The following CPEB1 variants were observed in gnomAD, a reference collection of about 807,000 sequenced individuals.
The protein encoded by CPEB1 is cytoplasmic polyadenylation element binding protein 1.
A neutral mutation model predicts 65.8 loss-of-function variants in CPEB1; 7 were observed. The ratio of observed to expected loss-of-function variants is 0.11; its 90% CI spans 0.06 to 0.20. The LOEUF (loss-of-function observed/expected upper bound fraction) is 0.20. Among genes scored for constraint, CPEB1 ranks in the 10% least tolerant of loss-of-function variants. The pLI is 1.00. For synonymous variants in CPEB1, 262 were observed against 260.0 expected, an observed-to-expected ratio of 1.01 and a Z score of -0.08; for missense variants, 551 against 712.2, an observed-to-expected ratio of 0.77 and a Z score of 2.58.
intron 1 of CPEB1, among the ~76,000 whole-genome samples, chr15:82,645,420 T>C (rs1290178254): frequency 6.6e-6 from 1 of 152,072 alleles, no homozygotes; most frequent in Non-Finnish European, 1.5e-5. Flanking sequence ...CCCAAAGTGC[T>C]GGGATTAAAG....
At chr15:82,557,509 G>A (rs917569895) in intron 5 of CPEB1, 7 of 445,270 alleles carry the variant, frequency 1.6e-5, no homozygotes, top group Non-Finnish European at 2.8e-5. Context: ...TACTCTTGGA[G>A]TAGCTAGTAA....
intron 4 of CPEB1, among the ~76,000 whole-genome samples, chr15:82,570,864 A>G (rs2039922186): frequency 6.6e-6 from 1 of 152,180 alleles, no homozygotes; most frequent in Non-Finnish European, 1.5e-5. Context: ...ATCTGAGGTT[A>G]AAATCCTTCC....
intron 3 of CPEB1, among the ~76,000 whole-genome samples, chr15:82,599,985 G>A (rs973043783): frequency 3.3e-5 from 5 of 152,036 alleles, no homozygotes; most frequent in Non-Finnish European, 5.9e-5. Context: ...TAATTACAGA[G>A]TCCCAAAAGA....
rs3080692 is a variant in CPEB1, at chr15:82,584,903, C to CTTTTTTT, written c.272-13378_272-13372dup. ...GACATAATTTTTTTTTCCTAATTTG[C>CTTTTTTT]TTTTTTTTTTTTTTTTTTTACAGTG... On this transcript the variant is annotated intron_variant, in intron 3 of 12. Transcript: ENST00000684509. Among the ~76,000 whole-genome samples the CTTTTTTT allele has an allele frequency of 2.4e-3, 199 of 81,728 alleles. 34 individuals are homozygous for CTTTTTTT. Among genetic ancestry groups the CTTTTTTT allele is most frequent in the African/African-American group, 0.01 (177 of 16,862 alleles). The allele number at this position is 81,728 out of a possible 152,430, so 53.6% of individuals were successfully genotyped here. A position where few individuals can be genotyped will look rare whatever the true frequency, so the allele number is the denominator to read the frequency against.
chr15:82,631,049 G>A (rs2046202788), intron 1 of CPEB1, among the ~76,000 whole-genome samples: 1 of 152,188 alleles, frequency 6.6e-6, no homozygotes, highest in Admixed American at 6.5e-5. Context: ...CTACATGACA[G>A]ATAAGTGGCA....
chr15:82,637,939 T>C (rs1013440299), intron 1 of CPEB1: 1 of 448,816 alleles, frequency 2.2e-6, no homozygotes, highest in African/African-American at 2.0e-5. Context: ...AAAAAACCTA[T>C]TACATATTAA....
intron 3 of CPEB1, among the ~76,000 whole-genome samples, chr15:82,595,276 A>T (rs1042835208): frequency 3.9e-5 from 6 of 152,230 alleles, no homozygotes; most frequent in African/African-American, 1.4e-4. Flanking sequence ...ACACTGTTAC[A>T]AATGCCCACC....
At chr15:82,639,497 T>C (rs989233482) in intron 1 of CPEB1, among the ~76,000 whole-genome samples, 1 of 152,130 alleles carries the variant, frequency 6.6e-6, no homozygotes, top group Admixed American at 6.5e-5. Flanking sequence ...CTTTTTTTTT[T>C]TCCCCACTTA....
intron 1 of CPEB1, among the ~76,000 whole-genome samples, chr15:82,644,289 G>A (rs1000879008): frequency 6.6e-6 from 1 of 152,258 alleles, no homozygotes; most frequent in Admixed American, 6.5e-5. Context: ...CTTTTTTCTA[G>A]AATGTACGCC....
intron 9 of CPEB1, among the ~76,000 whole-genome samples, chr15:82,552,258 G>A (rs117811788): frequency 0.012 from 1,812 of 151,480 alleles, 13 homozygotes; most frequent in Non-Finnish European, 0.019. Flanking sequence ...GCAGGCATGC[G>A]CATGTGTGCA....
At chr15:82,631,519 C>T (rs929760071) in intron 1 of CPEB1, among the ~76,000 whole-genome samples, 2 of 152,092 alleles carry the variant, frequency 1.3e-5, no homozygotes, top group Non-Finnish European at 2.9e-5. Context: ...TCTCATAAGG[C>T]TTTTTGTGAA....
Position 82,544,618 on chromosome 15 carries a change from T to C in CPEB1, c.1741A>G (p.Asn581Asp). 1.9e-6 allele frequency: 3 copies of C among 1,613,096 alleles called. No homozygotes were observed. Among genetic ancestry groups the C allele is most frequent in the Non-Finnish European group, 2.5e-6 (3 of 1,179,822 alleles). Reference sequence around the variant, plus strand: ...TAGCTGGAATCTCGGTTCTTCTGGTTCCGCATCAGGGGGCTGTGGTGGCGC... The same window carrying C: ...TAGCTGGAATCTCGGTTCTTCTGGTCCCGCATCAGGGGGCTGTGGTGGCGC... ...GLRHHSPLMR[N>D]QKNRDSS Residue 581 changes from asparagine to aspartate, a missense_variant, in exon 13 of 13, where the codon AAC (asparagine) becomes GAC (aspartate). Coordinates refer to ENST00000684509, the MANE Select transcript of CPEB1 (RefSeq NM_001365242.1).
intron 4 of CPEB1, among the ~76,000 whole-genome samples, chr15:82,569,156 C>T (rs1596038284): frequency 6.6e-6 from 1 of 152,192 alleles, no homozygotes; most frequent in Non-Finnish European, 1.5e-5. Flanking sequence ...TGCATGTTCC[C>T]GCATTGCTGG....
At chr15:82,630,120 G>A in intron 1 of CPEB1, 1 of 985,406 alleles carries the variant, frequency 1.0e-6, no homozygotes, top group Non-Finnish European at 1.2e-6. Context: ...ATAACCTGCA[G>A]AGAGGAGGTC....
chr15:82,583,380 C>T (rs1596063759), intron 3 of CPEB1: 1 of 152,198 alleles, frequency 6.6e-6, no homozygotes, highest in African/African-American at 2.4e-5. Context: ...CCTGACACTA[C>T]ACTGTTCAAA....
intron 1 of CPEB1, among the ~76,000 whole-genome samples, chr15:82,635,447 C>T (rs1002665158): frequency 2.0e-5 from 3 of 152,166 alleles, no homozygotes; most frequent in Non-Finnish European, 4.4e-5. Flanking sequence ...CTGAGAGATG[C>T]TTCTCTGTGT....
intron 3 of CPEB1, chr15:82,571,887 A>G (rs2040087549): frequency 2.9e-6 from 3 of 1,043,276 alleles, no homozygotes. Context: ...AGGGGACGAC[A>G]GGGAGGAGAC....
rs2034812972 is a variant in CPEB1 at position 82,544,455 on chromosome 15, G to A, written c.*137C>T. 1 of 625,642 alleles carries A rather than the reference G, an allele frequency of 1.6e-6. No homozygotes were observed. 38.8% of individuals were successfully genotyped at this position (625,642 alleles called of 1,614,324 possible). A position where few individuals can be genotyped will look rare whatever the true frequency, so the allele number is the denominator to read the frequency against. ...TAGTGCAGAAACAAAGACAGATTCAGCAAGTGCAAAGGTGACTACAATTTT... is the reference window on the plus strand; with the variant it reads ...TAGTGCAGAAACAAAGACAGATTCAACAAGTGCAAAGGTGACTACAATTTT... On this transcript the variant is annotated 3_prime_UTR_variant, in exon 13 of 13. Transcript: ENST00000684509.
intron 5 of CPEB1, 171 bp downstream of exon 5, chr15:82,557,589 T>G: frequency 1.6e-6 from 1 of 607,246 alleles, no homozygotes; most frequent in South Asian, 2.1e-5. Flanking sequence ...TCTATCCTGT[T>G]AAGGATGAGA....
Sources: allele counts gnomAD v4.1 joint callset (sites outside exome capture counted in the v4.1 genomes callset), GRCh38; gene constraint gnomAD v4.1.1; transcripts MANE v1.5; gene names NCBI Gene and HGNC (gene_info 2026-07-23, HGNC 2026-07-21).